MACROD2: variants seen among roughly 807,000 people sequenced by gnomAD.
The protein encoded by MACROD2 is mono-ADP ribosylhydrolase 2, also known as ADP-ribose glycohydrolase MACROD2.
Under a neutral mutation model 70.4 loss-of-function variants are expected in MACROD2, and 36 were observed. The ratio of observed to expected loss-of-function variants is 0.51; its 90% CI spans 0.39 to 0.68. The LOEUF (loss-of-function observed/expected upper bound fraction) is 0.68, where lower values mean the gene tolerates loss of function less well. Among genes scored for constraint, MACROD2 ranks in the 30% least tolerant of loss-of-function variants. The probability of loss-of-function intolerance (pLI) is 0.00; values close to 1 mark genes in which losing one functional copy is unlikely to be tolerated. For missense variants in MACROD2, 496 were observed against 538.4 expected, an observed-to-expected ratio of 0.92 and a Z score of 0.78; for synonymous variants, 172 against 178.8, an observed-to-expected ratio of 0.96 and a Z score of 0.30.
chr20:15,007,779 C>T (rs979980518), intron 5 of MACROD2, among the ~76,000 whole-genome samples: 3 of 152,212 alleles, frequency 2.0e-5, no homozygotes, highest in Non-Finnish European at 2.9e-5. Context: ...CTACCTCCAA[C>T]ACCACATGTG....
At chr20:15,723,284 C>G (rs1035851827) in intron 8 of MACROD2, among the ~76,000 whole-genome samples, 1 of 152,202 alleles carries the variant, frequency 6.6e-6, no homozygotes, top group African/African-American at 2.4e-5. Context: ...CCTACATTTA[C>G]ACATCATTAT....
chr20:15,996,829 T>C (rs2066638961), intron 15 of MACROD2, among the ~76,000 whole-genome samples: 2 of 152,188 alleles, frequency 1.3e-5, no homozygotes, highest in African/African-American at 4.8e-5. Context: ...AGTTTTATGG[T>C]TTCAGGTCTT....
At chr20:15,036,494 C>T (rs2075314329) in intron 5 of MACROD2, among the ~76,000 whole-genome samples, 1 of 152,118 alleles carries the variant, frequency 6.6e-6, no homozygotes, top group Non-Finnish European at 1.5e-5. Context: ...AGTAGTTTAA[C>T]AAGCCCTTCA....
At chr20:14,544,966 A>C (rs2123243348) in intron 4 of MACROD2, among the ~76,000 whole-genome samples, 1 of 152,296 alleles carries the variant, frequency 6.6e-6, no homozygotes, top group South Asian at 2.1e-4. Flanking sequence ...AACAGTTGGA[A>C]GTCAGCTCGG....
chr20:15,986,521 G>T (rs1267655237), intron 13 of MACROD2, among the ~76,000 whole-genome samples: 1 of 152,074 alleles, frequency 6.6e-6, no homozygotes, highest in Non-Finnish European at 1.5e-5. Flanking sequence ...CCAAAAAAAA[G>T]ATTTTTTTCC....
At chr20:15,217,143 A>G (rs972379181) in intron 5 of MACROD2, among the ~76,000 whole-genome samples, 3 of 152,188 alleles carry the variant, frequency 2.0e-5, no homozygotes, top group Non-Finnish European at 4.4e-5. Context: ...AACCAGTAAT[A>G]TGTCAGTTCT....
At chr20:14,783,799 T>G (rs1021631937) in intron 5 of MACROD2, among the ~76,000 whole-genome samples, 1 of 152,090 alleles carries the variant, frequency 6.6e-6, no homozygotes, top group Non-Finnish European at 1.5e-5. Flanking sequence ...TTAATCCAAC[T>G]AAGGAACTCT....
chr20:14,230,928 G>C (rs577828371), intron 3 of MACROD2, among the ~76,000 whole-genome samples: 4 of 151,308 alleles, frequency 2.6e-5, no homozygotes, highest in Middle Eastern at 3.4e-3. Flanking sequence ...CATTCATCTT[G>C]TAGATCAGAG....
At chr20:14,255,756 T>G (rs574054337) in intron 3 of MACROD2, among the ~76,000 whole-genome samples, 1 of 152,072 alleles carries the variant, frequency 6.6e-6, no homozygotes, top group South Asian at 2.1e-4. Context: ...GTCTTCTGTC[T>G]CATTCCAGGA....
intron 8 of MACROD2, among the ~76,000 whole-genome samples, chr20:15,507,377 TTCCTTCCCTCCC>T (rs764162756): frequency 8.2e-4 from 89 of 109,144 alleles, no homozygotes; most frequent in South Asian, 5.5e-3. Flanking sequence ...TTCTTTCTCC[TTCCTTCCCTCCC>T]TCCTTCCTTC....
intron 4 of MACROD2, among the ~76,000 whole-genome samples, chr20:14,631,071 A>G (rs1294317584): frequency 6.6e-6 from 1 of 152,174 alleles, no homozygotes; most frequent in Non-Finnish European, 1.5e-5. Flanking sequence ...AAAAGAATAT[A>G]TGGAATCGTT....
chr20:15,032,193 G>A (rs58953722), intron 5 of MACROD2, among the ~76,000 whole-genome samples: 20,022 of 152,204 alleles, frequency 0.13, 1,440 homozygotes, highest in Non-Finnish European at 0.16. Context: ...CGACAGGTGG[G>A]CTTCCCAGGC....
rs933050130 is a variant in MACROD2, at chr20:15,919,035, G to A, written c.776-14241G>A. On this transcript the variant is annotated intron_variant, in intron 10 of 17. Transcript: ENST00000684519. ...TTTTCAATGAGTGCAGTCACTTGCA[G>A]AGATCTCTCTTTTCATAGATCACAA... Among the ~76,000 whole-genome samples the A allele has an allele frequency of 2.6e-5, 4 of 152,210 alleles. No individual in the cohort carries two copies. In the South Asian group the frequency reaches 8.3e-4, roughly 31 times the overall value.
chr20:14,080,764 A>C (rs1466403256), intron 2 of MACROD2, among the ~76,000 whole-genome samples: 1 of 151,942 alleles, frequency 6.6e-6, no homozygotes, highest in South Asian at 2.1e-4. Flanking sequence ...CAATTATTCT[A>C]GTTTCCTCTG....
chr20:15,509,060 A>T (rs1459012317), intron 8 of MACROD2, among the ~76,000 whole-genome samples: 3 of 152,220 alleles, frequency 2.0e-5, no homozygotes, highest in African/African-American at 7.2e-5. Context: ...GTATGCTTTA[A>T]ATAGTTTATT....
At chr20:14,263,597 G>T (rs544936138) in intron 3 of MACROD2, among the ~76,000 whole-genome samples, 1 of 152,260 alleles carries the variant, frequency 6.6e-6, no homozygotes, top group South Asian at 2.1e-4. Flanking sequence ...AGAACAAAAG[G>T]CTCTGAGCTC....
At position 14,678,952 on chromosome 20, in the gene MACROD2, GA is replaced by G. The variant is rs771805803; in HGVS notation, c.302-5880del. Among the ~76,000 whole-genome samples the G allele has an allele frequency of 3.7e-3, 528 of 142,332 alleles. 1 individual carries two copies. Among genetic ancestry groups the G allele is most frequent in the African/African-American group, 0.012 (459 of 39,010 alleles). The allele number at this position is 142,332 out of a possible 152,430, so 93.4% of individuals were successfully genotyped here. ...CCTAACCATTTCCTCAGTATTATCA[GA>G]AAAAAAAAAACAACACATTACTTTT... On this transcript the variant is annotated intron_variant, in intron 4 of 17. Transcript: ENST00000684519.
At chr20:14,070,429 C>T (rs182664211) in intron 2 of MACROD2, among the ~76,000 whole-genome samples, 73 of 152,118 alleles carry the variant, frequency 4.8e-4, no homozygotes, top group African/African-American at 1.7e-3. Context: ...ACAGCTTGAC[C>T]CCTGGGATTC....
chr20:14,571,850 C>T (rs1237480645), intron 4 of MACROD2, among the ~76,000 whole-genome samples: 1 of 152,038 alleles, frequency 6.6e-6, no homozygotes, highest in African/African-American at 2.4e-5. Context: ...CTCTTAGAAA[C>T]TTAGCTTACC....
Sources: allele counts gnomAD v4.1 joint callset (sites outside exome capture counted in the v4.1 genomes callset), GRCh38; gene constraint gnomAD v4.1.1; transcripts MANE v1.5; gene names NCBI Gene and HGNC (gene_info 2026-07-23, HGNC 2026-07-21).